Variants in DPP10 observed in about 807,000 individuals in gnomAD.
DPP10 encodes the protein inactive dipeptidyl peptidase 10.
Under a neutral mutation model 120.9 loss-of-function variants are expected in DPP10, and 33 were observed. The ratio of observed to expected loss-of-function variants is 0.27; its 90% CI spans 0.21 to 0.37. The LOEUF (loss-of-function observed/expected upper bound fraction) is 0.37, where lower values mean the gene tolerates loss of function less well. Among genes scored for constraint, DPP10 ranks in the 10% least tolerant of loss-of-function variants. DPP10 has a pLI of 1.00. For synonymous variants in DPP10, 337 were observed against 326.1 expected, an observed-to-expected ratio of 1.03 and a Z score of -0.36; for missense variants, 816 against 942.8, an observed-to-expected ratio of 0.87 and a Z score of 1.76.
intron 5 of DPP10, among the ~76,000 whole-genome samples, chr2:115,646,621 T>C (rs1248966002): frequency 6.6e-6 from 1 of 152,180 alleles, no homozygotes; most frequent in African/African-American, 2.4e-5. Flanking sequence ...TAGATGGCTA[T>C]ACTGAAAGAT....
At chr2:114,515,823 G>A (rs762121398) in intron 1 of DPP10, among the ~76,000 whole-genome samples, 1 of 146,086 alleles carries the variant, frequency 6.8e-6, no homozygotes, top group African/African-American at 2.5e-5. Flanking sequence ...TTTTTTTCTA[G>A]AATTATTCTA....
At chr2:114,816,061 C>T (rs1685617662) in intron 1 of DPP10, among the ~76,000 whole-genome samples, 1 of 152,136 alleles carries the variant, frequency 6.6e-6, no homozygotes, top group African/African-American at 2.4e-5. Flanking sequence ...AAAATGTCTT[C>T]ACTCCCCGTG....
intron 5 of DPP10, among the ~76,000 whole-genome samples, chr2:115,668,944 T>G (rs1213109591): frequency 6.6e-6 from 1 of 152,174 alleles, no homozygotes; most frequent in East Asian, 1.9e-4. Context: ...CAGTATAAAC[T>G]TATTTAATAA....
rs146949429 is a variant in DPP10 at position 114,596,049 on chromosome 2, A to G, written c.60+153211A>G. On this transcript the variant is annotated intron_variant, in intron 1 of 25. Coordinates refer to ENST00000410059, the MANE Select transcript of DPP10 (RefSeq NM_020868.6). ...TTAGGAAGCTAAGAGGAGCTCCACT[A>G]CCAGCTCTTCAGAAAAAATCTCCTG... is the stretch of plus-strand genomic sequence containing the variant. 8.0e-4 allele frequency among the ~76,000 whole-genome samples: 122 copies of G among 152,224 alleles called. 1 individual carries two copies. Among genetic ancestry groups the G allele is most frequent in the African/African-American group, 2.9e-3 (119 of 41,562 alleles).
intron 1 of DPP10, among the ~76,000 whole-genome samples, chr2:114,680,468 G>A (rs1036339452): frequency 1.9e-4 from 29 of 151,918 alleles, no homozygotes; most frequent in African/African-American, 6.8e-4. Context: ...TCTTAGAAGT[G>A]TAATTTATTC....
chr2:115,701,991 A>T (rs2091910292), intron 7 of DPP10, among the ~76,000 whole-genome samples: 1 of 152,082 alleles, frequency 6.6e-6, no homozygotes, highest in Admixed American at 6.6e-5. Flanking sequence ...AGTGTAAGTT[A>T]AAGTGAGCTA....
At chr2:115,216,203 C>G (rs901957912) in intron 1 of DPP10, among the ~76,000 whole-genome samples, 1 of 152,080 alleles carries the variant, frequency 6.6e-6, no homozygotes, top group Non-Finnish European at 1.5e-5. Flanking sequence ...ATGGGTGCAA[C>G]GTACACTATT....
intron 5 of DPP10, among the ~76,000 whole-genome samples, chr2:115,626,043 A>C (rs967151552): frequency 6.6e-6 from 1 of 151,424 alleles, no homozygotes; most frequent in African/African-American, 2.4e-5. Flanking sequence ...AAAAAGAAAA[A>C]AAAAAACAAA....
intron 1 of DPP10, among the ~76,000 whole-genome samples, chr2:114,610,028 G>A (rs1383978726): frequency 2.6e-5 from 4 of 152,156 alleles, no homozygotes; most frequent in Non-Finnish European, 5.9e-5. Flanking sequence ...GGCAATGTTC[G>A]TATCTGTTTC....
At chr2:114,779,585 C>A (rs1286065405) in intron 1 of DPP10, among the ~76,000 whole-genome samples, 1 of 152,092 alleles carries the variant, frequency 6.6e-6, no homozygotes, top group Non-Finnish European at 1.5e-5. Flanking sequence ...ACGCTGAGGA[C>A]TTTTTCATAT....
chr2:114,782,529 G>T (rs146860362), intron 1 of DPP10, among the ~76,000 whole-genome samples: 68 of 151,914 alleles, frequency 4.5e-4, no homozygotes, highest in African/African-American at 1.5e-3. Context: ...TGAGTAGGGG[G>T]GTGTTACATT....
intron 3 of DPP10, among the ~76,000 whole-genome samples, chr2:115,378,911 C>A (rs2066043442): frequency 6.6e-6 from 1 of 152,116 alleles, no homozygotes; most frequent in Non-Finnish European, 1.5e-5. Context: ...CCCACTTGAT[C>A]ATGGTGGATA....
At chr2:114,488,609 G>T (rs149923225) in intron 1 of DPP10, among the ~76,000 whole-genome samples, 1 of 152,162 alleles carries the variant, frequency 6.6e-6, no homozygotes, top group African/African-American at 2.4e-5. Context: ...ATCTCTGAGC[G>T]GTGGCAGAGC....
chr2:115,156,475 G>A (rs989756071), intron 1 of DPP10, among the ~76,000 whole-genome samples: 5 of 152,202 alleles, frequency 3.3e-5, no homozygotes, highest in African/African-American at 1.2e-4. Flanking sequence ...CATTGTGGAA[G>A]TGTTAAAAAA....
intron 1 of DPP10, among the ~76,000 whole-genome samples, chr2:114,701,149 C>T (rs1700363515): frequency 6.6e-6 from 1 of 152,096 alleles, no homozygotes; most frequent in East Asian, 1.9e-4. Flanking sequence ...GGGATTCACA[C>T]ATCATGGCCC....
At chr2:115,699,336 A>C (rs1214568271) in intron 7 of DPP10, among the ~76,000 whole-genome samples, 3 of 152,194 alleles carry the variant, frequency 2.0e-5, no homozygotes, top group African/African-American at 7.2e-5. Flanking sequence ...GAATTCTACT[A>C]AACATTTTTA....
intron 8 of DPP10, among the ~76,000 whole-genome samples, chr2:115,734,218 G>T (rs919802448): frequency 1.3e-5 from 2 of 152,088 alleles, no homozygotes; most frequent in African/African-American, 2.4e-5. Context: ...CTTGAAAAGC[G>T]TACTCAAATT....
chr2:115,645,070 T>C (rs1321404790), intron 5 of DPP10, among the ~76,000 whole-genome samples: 1 of 152,182 alleles, frequency 6.6e-6, no homozygotes. Context: ...TCTCCTATTA[T>C]TTTAAGCATT....
chr2:115,106,310 T>A (rs780983669), intron 1 of DPP10, among the ~76,000 whole-genome samples: 3 of 152,188 alleles, frequency 2.0e-5, no homozygotes, highest in Non-Finnish European at 4.4e-5. Context: ...ACAGGACTGA[T>A]TTTTTACAAG....
Sources: allele counts gnomAD v4.1 joint callset (sites outside exome capture counted in the v4.1 genomes callset), GRCh38; gene constraint gnomAD v4.1.1; transcripts MANE v1.5; gene names NCBI Gene and HGNC (gene_info 2026-07-23, HGNC 2026-07-21).